KIRREL3: variants seen among roughly 807,000 people sequenced by gnomAD.
KIRREL3 encodes the protein kirre like nephrin family adhesion molecule 3, also known as kin of IRRE-like protein 3.
KIRREL3 carries 36 observed loss-of-function variants against 89.7 expected under a neutral mutation model. That is an observed-to-expected ratio of 0.40 (90% CI 0.31 to 0.53). The LOEUF (loss-of-function observed/expected upper bound fraction) is 0.53, where lower values mean the gene tolerates loss of function less well. KIRREL3 is among the 20% of genes least tolerant of loss of function. KIRREL3 has a pLI of 0.49. For synonymous variants in KIRREL3, 445 were observed against 441.4 expected, an observed-to-expected ratio of 1.01 and a Z score of -0.10; for missense variants, 864 against 1,056.6, an observed-to-expected ratio of 0.82 and a Z score of 2.53.
chr11:126,517,782 T>C (rs1208147401), intron 4 of KIRREL3, among the ~76,000 whole-genome samples: 1 of 152,192 alleles, frequency 6.6e-6, no homozygotes, highest in African/African-American at 2.4e-5. Context: ...GATCATCTTA[T>C]TTATCACCAC....
rs1307515056 is a variant in KIRREL3 at position 126,811,899 on chromosome 11, C to A, written c.55+188556G>T. Among the ~76,000 whole-genome samples the A allele has an allele frequency of 6.6e-6, 1 of 152,126 alleles. No homozygotes were observed. The highest frequency in any genetic ancestry group is 2.4e-5 in the African/African-American group (1 of 41,442). On this transcript the variant is annotated intron_variant, in intron 1 of 16. Transcript: ENST00000525144. This position sits in a 1 kb window ranked among gnomAD's most constrained non-coding sequence, Gnocchi z 4.3. ...ACTGTGCCTGGCCAGCAATGAACTT[C>A]TAAGAGAAATCAGATCAAGCCCTCA...
Position 126,773,104 on chromosome 11 carries a change from G to T in KIRREL3, c.56-210192C>A, listed in dbSNP as rs1041381040. Among the ~76,000 whole-genome samples, 2 of 152,162 alleles carry T rather than the reference G, an allele frequency of 1.3e-5. No individual in the cohort carries two copies. Among genetic ancestry groups the T allele is most frequent in the Admixed American group, 6.5e-5 (1 of 15,288 alleles). ...AGCTCCTAAAATACTGGGAATGAGG[G>T]AATCTTCAAAATCACTGCACATTAA... On this transcript the variant is annotated intron_variant, in intron 1 of 16. Transcript: ENST00000525144. The surrounding 1 kb of genome is among the most constrained non-coding windows in gnomAD (Gnocchi z 4.2).
chr11:126,616,659 A>G (rs1943365557), intron 1 of KIRREL3, among the ~76,000 whole-genome samples: 1 of 152,216 alleles, frequency 6.6e-6, no homozygotes, highest in Non-Finnish European at 1.5e-5. Flanking sequence ...TTGTTGGTTT[A>G]GAGATAAAGT....
chr11:126,593,682 T>G (rs1372083041), intron 1 of KIRREL3, among the ~76,000 whole-genome samples: 1 of 152,218 alleles, frequency 6.6e-6, no homozygotes, highest in African/African-American at 2.4e-5. Context: ...TGGAGTTAAT[T>G]GCAGAACTTG....
At position 126,656,064 on chromosome 11, in the gene KIRREL3, T is replaced by C; in HGVS notation, c.56-93152A>G. ...ACCTGAGCCAGGAGAGTCCTGTGGA[T>C]TCACTAGATTCTGGGACTATACCTT... On this transcript the variant is annotated intron_variant, in intron 1 of 16. Coordinates refer to ENST00000525144, the MANE Select transcript of KIRREL3 (RefSeq NM_032531.4). This position sits in a 1 kb window ranked among gnomAD's most constrained non-coding sequence, Gnocchi z 4.0. The C allele has an allele frequency of 2.2e-6, 1 of 445,618 alleles. No individual in the cohort carries two copies. The highest frequency in any genetic ancestry group is 1.6e-5 in the South Asian group (1 of 63,012). 27.6% of individuals were successfully genotyped at this position (445,618 alleles called of 1,614,324 possible).
chr11:126,921,432 T>TATCC (rs1452222614), intron 1 of KIRREL3, among the ~76,000 whole-genome samples: 3 of 152,044 alleles, frequency 2.0e-5, no homozygotes, highest in Non-Finnish European at 2.9e-5. Context: ...TCTATCTATC[T>TATCC]ATCTATCTAT....
At chr11:126,449,556 G>A (rs530487019) in intron 7 of KIRREL3, among the ~76,000 whole-genome samples, 11 of 152,210 alleles carry the variant, frequency 7.2e-5, no homozygotes, top group Non-Finnish European at 1.5e-4. Context: ...TGGAAAAGAA[G>A]GAGGCCAAGT....
chr11:126,695,971 G>A (rs1947075587), intron 1 of KIRREL3, among the ~76,000 whole-genome samples: 1 of 152,138 alleles, frequency 6.6e-6, no homozygotes, highest in Non-Finnish European at 1.5e-5. Context: ...AAACCTGGAT[G>A]AGTCGGGCGA....
chr11:126,986,245 T>A (rs1366926125), intron 1 of KIRREL3, among the ~76,000 whole-genome samples: 1 of 152,146 alleles, frequency 6.6e-6, no homozygotes, highest in Non-Finnish European at 1.5e-5. Flanking sequence ...AGATGCCTAG[T>A]GATGAGAACA....
chr11:126,639,821 T>C lies in KIRREL3; in HGVS notation c.56-76909A>G, dbSNP rs1190555172. Among the ~76,000 whole-genome samples the C allele has an allele frequency of 1.3e-5, 2 of 152,200 alleles. No individual in the cohort carries two copies. The highest frequency in any genetic ancestry group is 2.9e-5 in the Non-Finnish European group (2 of 68,026). Reference sequence around the variant, plus strand: ...AAGAAGGAGCTAAACTCATTTCAGGTTTGACCTCTGTGGCTGGGATCTGAG... The same window carrying C: ...AAGAAGGAGCTAAACTCATTTCAGGCTTGACCTCTGTGGCTGGGATCTGAG... On this transcript the variant is annotated intron_variant, in intron 1 of 16. Coordinates refer to ENST00000525144, the MANE Select transcript of KIRREL3 (RefSeq NM_032531.4). The surrounding 1 kb of genome is among the most constrained non-coding windows in gnomAD (Gnocchi z 4.3).
At chr11:126,472,593 C>A (rs1249050543) in intron 5 of KIRREL3, among the ~76,000 whole-genome samples, 2 of 152,086 alleles carry the variant, frequency 1.3e-5, no homozygotes, top group South Asian at 2.1e-4. Flanking sequence ...GTGATTGCAT[C>A]CTGCATTTTA....
At position 126,609,860 on chromosome 11, in the gene KIRREL3, C is replaced by T. The variant is rs1200496878; in HGVS notation, c.56-46948G>A. Among the ~76,000 whole-genome samples the T allele has an allele frequency of 2.0e-5, 3 of 152,132 alleles. No homozygotes were observed. Among genetic ancestry groups the T allele is most frequent in the African/African-American group, 4.8e-5 (2 of 41,394 alleles). On this transcript the variant is annotated intron_variant, in intron 1 of 16. Coordinates refer to ENST00000525144, the MANE Select transcript of KIRREL3 (RefSeq NM_032531.4). This position sits in a 1 kb window ranked among gnomAD's most constrained non-coding sequence, Gnocchi z 5.0. ...GTTTTTTTCTGTTGATTATGAACAA[C>T]AGCAGCTAACATTAATAGAACCTGA...
At chr11:126,442,153 T>C (rs1243730482) in intron 10 of KIRREL3, among the ~76,000 whole-genome samples, 1 of 146,580 alleles carries the variant, frequency 6.8e-6, no homozygotes, top group Non-Finnish European at 1.5e-5. Context: ...CCTCCCTACT[T>C]GGGAGGCTGA....
chr11:126,810,578 G>A (rs1160400538), intron 1 of KIRREL3, among the ~76,000 whole-genome samples: 3 of 142,822 alleles, frequency 2.1e-5, no homozygotes, highest in African/African-American at 2.6e-5. Flanking sequence ...GTATGGAACC[G>A]CAAGGAAAGA....
chr11:126,776,078 G>A lies in KIRREL3; in HGVS notation c.56-213166C>T, dbSNP rs1173530570. 2.0e-5 allele frequency among the ~76,000 whole-genome samples: 3 copies of A among 152,190 alleles called. No homozygotes were observed. The highest frequency in any genetic ancestry group is 4.4e-5 in the Non-Finnish European group (3 of 68,032). ...GCTCCCCCAGAGGGAAGTCAGGCCT[G>A]GCCTGGGGATTGTGGGGTGACCTTC... On this transcript the variant is annotated intron_variant, in intron 1 of 16. Coordinates refer to ENST00000525144, the MANE Select transcript of KIRREL3 (RefSeq NM_032531.4). This position sits in a 1 kb window ranked among gnomAD's most constrained non-coding sequence, Gnocchi z 4.7.
chr11:126,842,710 G>C (rs997285007), intron 1 of KIRREL3, among the ~76,000 whole-genome samples: 8 of 152,180 alleles, frequency 5.3e-5, no homozygotes, highest in Non-Finnish European at 8.8e-5. Flanking sequence ...TGGAGGTGAT[G>C]GAGCAACAAT....
intron 1 of KIRREL3, among the ~76,000 whole-genome samples, chr11:126,937,943 C>T (rs1283637054): frequency 9.9e-5 from 15 of 152,142 alleles, no homozygotes; most frequent in Non-Finnish European, 1.5e-5. Flanking sequence ...CATGTTGGTA[C>T]TGCCAGGGGA....
At chr11:126,956,065 C>T (rs1948913760) in intron 1 of KIRREL3, among the ~76,000 whole-genome samples, 1 of 152,174 alleles carries the variant, frequency 6.6e-6, no homozygotes, top group Non-Finnish European at 1.5e-5. Context: ...CACATATGCC[C>T]ACCTGCTTGC....
At position 126,752,157 on chromosome 11, in the gene KIRREL3, G is replaced by A. The variant is rs1015861046; in HGVS notation, c.56-189245C>T. On this transcript the variant is annotated intron_variant, in intron 1 of 16. Transcript: ENST00000525144. The surrounding 1 kb of genome is among the most constrained non-coding windows in gnomAD (Gnocchi z 4.8). ...ATACCTGTCCCTGAGTTATGAAGAC[G>A]GGGTAAGCTAATGTATTGAAAGGAT... Among the ~76,000 whole-genome samples the A allele has an allele frequency of 1.3e-5, 2 of 152,156 alleles. No homozygotes were observed. The highest frequency in any genetic ancestry group is 4.8e-5 in the African/African-American group (2 of 41,436).
Sources: allele counts gnomAD v4.1 joint callset (sites outside exome capture counted in the v4.1 genomes callset), GRCh38; gene constraint gnomAD v4.1.1; non-coding constraint Gnocchi (gnomAD v3.1); transcripts MANE v1.5; gene names NCBI Gene and HGNC (gene_info 2026-07-23, HGNC 2026-07-21).